Variants in SLC35F2 observed in about 807,000 individuals in gnomAD.
SLC35F2 encodes queuine/queuosine transporter SLC35F2.
Under a neutral mutation model 38.1 loss-of-function variants are expected in SLC35F2, and 25 were observed. The observed-to-expected ratio is 0.66, with a 90% CI of 0.48 to 0.92. The LOEUF (loss-of-function observed/expected upper bound fraction) is 0.92, where lower values mean the gene tolerates loss of function less well. Among genes scored for constraint, SLC35F2 ranks in the 40% least tolerant of loss-of-function variants. The pLI, the probability that SLC35F2 is intolerant of heterozygous loss-of-function variation, is 0.00. For synonymous variants in SLC35F2, 173 were observed against 181.7 expected (o/e 0.95, Z 0.38); for missense variants, 409 against 452.9 (o/e 0.90, Z 0.88).
chr11:107,840,879 CTG>C (rs1860004182), intron 1 of SLC35F2: 1 of 152,200 alleles, frequency 6.6e-6, no homozygotes, highest in South Asian at 2.1e-4. Context: ...AAACAGGAGT[CTG>C]TGACTAATCT....
rs150269247 is a variant in SLC35F2, at chr11:107,849,687, GACTCTAGGACTA to G, written c.110+8959_110+8970del. Among the ~76,000 whole-genome samples, 947 of 151,060 alleles carry G rather than the reference GACTCTAGGACTA, an allele frequency of 6.3e-3. 13 individuals are homozygous for G. Among genetic ancestry groups the G allele is most frequent in the South Asian group, 0.022 (106 of 4,762 alleles). ...ACAATAGGGATTGAAGGGGGAGGTGGACTCTAGGACTATTCTGGAAGCGCTGTCAAGACAGGG... is the reference window on the plus strand; with the variant it reads ...ACAATAGGGATTGAAGGGGGAGGTGGTTCTGGAAGCGCTGTCAAGACAGGG... On this transcript the variant is annotated intron_variant, in intron 1 of 7. Coordinates refer to ENST00000525815, the MANE Select transcript of SLC35F2 (RefSeq NM_017515.5).
chr11:107,798,975 C>CTGAA (rs907085607), intron 7 of SLC35F2, among the ~76,000 whole-genome samples: 1 of 152,140 alleles, frequency 6.6e-6, no homozygotes, highest in Non-Finnish European at 1.5e-5. Context: ...ACTCAGGAGG[C>CTGAA]TGAAGCACAA....
intron 7 of SLC35F2, among the ~76,000 whole-genome samples, chr11:107,799,442 C>A (rs1053033152): frequency 3.3e-5 from 5 of 152,186 alleles, no homozygotes; most frequent in Non-Finnish European, 7.3e-5. Context: ...ACCAGCACCC[C>A]TAGTGGTGGC....
At chr11:107,854,294 C>T (rs749199533) in intron 1 of SLC35F2, among the ~76,000 whole-genome samples, 38 of 148,028 alleles carry the variant, frequency 2.6e-4, no homozygotes, top group Middle Eastern at 3.6e-3. Flanking sequence ...ACTAGTAGTG[C>T]GTGGCAGTGC....
intron 1 of SLC35F2, among the ~76,000 whole-genome samples, chr11:107,834,768 C>T (rs1020404042): frequency 6.6e-6 from 1 of 152,142 alleles, no homozygotes; most frequent in African/African-American, 2.4e-5. Context: ...ATCATATATA[C>T]TCATATCATA....
intron 1 of SLC35F2, among the ~76,000 whole-genome samples, chr11:107,824,364 G>A (rs73546826): frequency 0.082 from 12,511 of 152,160 alleles, 1,446 homozygotes; most frequent in African/African-American, 0.26. Context: ...TAGACAAGAG[G>A]CCCTCAAAAG....
In SLC35F2 at chr11:107,803,621, T is replaced by C. The variant is rs531055313; in HGVS notation, c.785-466A>G. The C allele has an allele frequency of 1.5e-5, 7 of 475,458 alleles. No individual in the cohort carries two copies. In the South Asian group the frequency reaches 5.4e-4, roughly 36 times the overall value. The allele number at this position is 475,458 out of a possible 1,614,324, so 29.5% of individuals were successfully genotyped here. On this transcript the variant is annotated intron_variant, in intron 6 of 7. Transcript: ENST00000525815. Reference sequence around the variant, plus strand: ...TCTTTAAAGACATCAAAGACAGTTATTAGGTCCATTGTATTTTGTTCATCT... The same window carrying C: ...TCTTTAAAGACATCAAAGACAGTTACTAGGTCCATTGTATTTTGTTCATCT...
At chr11:107,814,314 G>C (rs1859528250) in intron 2 of SLC35F2, among the ~76,000 whole-genome samples, 1 of 152,010 alleles carries the variant, frequency 6.6e-6, no homozygotes, top group African/African-American at 2.4e-5. Flanking sequence ...AATTAGCCAG[G>C]TGTGGTGGCA....
chr11:107,842,205 A>ACTG, intron 1 of SLC35F2, among the ~76,000 whole-genome samples: 1 of 132,912 alleles, frequency 7.5e-6, no homozygotes, highest in Non-Finnish European at 1.6e-5. Flanking sequence ...GCAGTGAGGC[A>ACTG]AGATTGCGCC....
chr11:107,805,322 C>T, intron 5 of SLC35F2, 37 bp downstream of exon 5: 3 of 1,565,190 alleles, frequency 1.9e-6, no homozygotes, highest in Non-Finnish European at 2.6e-6. Flanking sequence ...AATATATTTG[C>T]TTATTTTGTC....
intron 1 of SLC35F2, among the ~76,000 whole-genome samples, chr11:107,856,121 A>G (rs987576906): frequency 1.4e-4 from 20 of 145,590 alleles, no homozygotes; most frequent in African/African-American, 2.3e-4. Context: ...AAAAAAAAAA[A>G]AAGAAGAAGA....
chr11:107,833,131 T>C (rs12146456), intron 1 of SLC35F2, among the ~76,000 whole-genome samples: 8,794 of 152,234 alleles, frequency 0.058, 528 homozygotes, highest in African/African-American at 0.15. Flanking sequence ...TTTTATAGTG[T>C]CTCACAGTTT....
chr11:107,799,052 G>T (rs892220179), intron 7 of SLC35F2, among the ~76,000 whole-genome samples: 2 of 152,150 alleles, frequency 1.3e-5, no homozygotes, highest in East Asian at 1.9e-4. Flanking sequence ...CTCCAGCCTG[G>T]GTGACAGAGC....
intron 1 of SLC35F2, among the ~76,000 whole-genome samples, chr11:107,850,794 C>A (rs1860168735): frequency 6.6e-6 from 1 of 150,616 alleles, no homozygotes; most frequent in South Asian, 2.1e-4. Flanking sequence ...GCACTCCAGC[C>A]TGGAATGAGA....
At chr11:107,844,891 G>C (rs1591208823) in intron 1 of SLC35F2, among the ~76,000 whole-genome samples, 2 of 151,054 alleles carry the variant, frequency 1.3e-5, no homozygotes, top group African/African-American at 4.9e-5. Flanking sequence ...CAGGAGAATG[G>C]CGTGAACCCG....
At chr11:107,807,168 C>G (rs1859405675) in intron 3 of SLC35F2, among the ~76,000 whole-genome samples, 1 of 149,644 alleles carries the variant, frequency 6.7e-6, no homozygotes, top group Non-Finnish European at 1.5e-5. Flanking sequence ...GGCACGGTGG[C>G]TCACGCCTGT....
intron 7 of SLC35F2, chr11:107,793,020 G>A (rs1859157702): frequency 1.6e-6 from 1 of 625,772 alleles, no homozygotes; most frequent in Non-Finnish European, 2.0e-6. Flanking sequence ...AGGCTCCAGT[G>A]ATCCTCCCGC....
At chr11:107,799,883 G>T (rs1859278889) in intron 7 of SLC35F2, among the ~76,000 whole-genome samples, 2 of 108,048 alleles carry the variant, frequency 1.9e-5, no homozygotes, top group Non-Finnish European at 2.1e-5. Context: ...TTTTGTTTTT[G>T]TTTGTTTTTG....
intron 1 of SLC35F2, among the ~76,000 whole-genome samples, chr11:107,832,832 T>G (rs1859867311): frequency 6.6e-6 from 1 of 152,072 alleles, no homozygotes; most frequent in Admixed American, 6.5e-5. Flanking sequence ...AAATCTACAT[T>G]CTGTCAGGAA....
Sources: gnomAD v4.1 joint callset for allele counts (sites outside exome capture counted in the v4.1 genomes callset) on GRCh38, gnomAD v4.1.1 for gene constraint, MANE v1.5 for transcripts, NCBI Gene and HGNC (gene_info 2026-07-23, HGNC 2026-07-21) for gene names.